The following NTM variants were observed in gnomAD, a reference collection of about 807,000 sequenced individuals.
The protein encoded by NTM is neurotrimin, also known as IgLON family member 2.
A neutral mutation model predicts 42.1 loss-of-function variants in NTM; 13 were observed. The observed-to-expected ratio is 0.31, with a 90% CI of 0.20 to 0.49. The LOEUF (loss-of-function observed/expected upper bound fraction) is 0.49. Ranked by LOEUF, NTM falls within the 20% of genes least tolerant of loss-of-function variation. The pLI, the probability that NTM is intolerant of heterozygous loss-of-function variation, is 0.99. For synonymous variants in NTM, 187 were observed against 179.2 expected, an observed-to-expected ratio of 1.04 and a Z score of -0.35; for missense variants, 373 against 452.8, an observed-to-expected ratio of 0.82 and a Z score of 1.60.
chr11:132,017,132 A>G (rs1277191825), intron 2 of NTM, among the ~76,000 whole-genome samples: 2 of 151,918 alleles, frequency 1.3e-5, no homozygotes, highest in African/African-American at 2.4e-5. Flanking sequence ...TTGAATCACA[A>G]AATTTTAATT....
Position 132,335,284 on chromosome 11 carries a change from T to C in NTM, c.*138T>C. ...AAACACAGCCTCATGGGACAGAAAT[T>C]TGAGGGAGGGGAACAAAGAATACTT... On this transcript the variant is annotated 3_prime_UTR_variant, in exon 9 of 9. Coordinates refer to ENST00000683400, the MANE Select transcript of NTM (RefSeq NM_001352005.2). The C allele has an allele frequency of 1.1e-6, 1 of 898,012 alleles. No homozygotes were observed. Among genetic ancestry groups the C allele is most frequent in the East Asian group, 2.9e-5 (1 of 34,530 alleles). The allele number at this position is 898,012 out of a possible 1,614,324, so 55.6% of individuals were successfully genotyped here.
chr11:131,702,382 TG>T (rs1358978455), intron 1 of NTM, among the ~76,000 whole-genome samples: 1 of 152,270 alleles, frequency 6.6e-6, no homozygotes, highest in African/African-American at 2.4e-5. Context: ...ATCTTTAAAA[TG>T]ATCTCATCAT....
intron 2 of NTM, among the ~76,000 whole-genome samples, chr11:132,088,938 A>G (rs568415093): frequency 1.3e-5 from 2 of 152,302 alleles, no homozygotes; most frequent in East Asian, 1.9e-4. Context: ...TTGGAAACAA[A>G]AAGAAGCCAG....
At chr11:131,472,872 C>T (rs1427162215) in intron 1 of NTM, among the ~76,000 whole-genome samples, 1 of 152,074 alleles carries the variant, frequency 6.6e-6, no homozygotes, top group African/African-American at 2.4e-5. Context: ...CTTCCACTAC[C>T]CCCCAGAGAT....
At position 131,950,548 on chromosome 11, in the gene NTM, C is replaced by T. The variant is rs188577086; in HGVS notation, c.167+38900C>T. On this transcript the variant is annotated intron_variant, in intron 2 of 8. Coordinates refer to ENST00000683400, the MANE Select transcript of NTM (RefSeq NM_001352005.2). The stretch of plus-strand genomic sequence containing the variant: ...TCATCCTTCCTTTGCACGTTTAGGT[C>T]CTACATAAGCTGAAAAAGAACAGAG... Among the ~76,000 whole-genome samples, 242 of 152,276 alleles carry T rather than the reference C, an allele frequency of 1.6e-3. 2 individuals carry two copies. Among genetic ancestry groups the T allele is most frequent in the Middle Eastern group, 3.4e-3 (1 of 294 alleles).
chr11:132,327,527 C>G (rs1156812306), intron 7 of NTM, among the ~76,000 whole-genome samples: 1 of 152,142 alleles, frequency 6.6e-6, no homozygotes, highest in Non-Finnish European at 1.5e-5. Context: ...ACAGAAAGCA[C>G]AAAAGAAAGA....
At chr11:132,056,753 CT>C (rs1444100619) in intron 2 of NTM, among the ~76,000 whole-genome samples, 1 of 152,238 alleles carries the variant, frequency 6.6e-6, no homozygotes, top group Non-Finnish European at 1.5e-5. Flanking sequence ...TAGCCTGCCC[CT>C]ATTTCACTGT....
At chr11:131,980,790 G>C (rs987419382) in intron 2 of NTM, among the ~76,000 whole-genome samples, 2 of 152,166 alleles carry the variant, frequency 1.3e-5, no homozygotes, top group Non-Finnish European at 2.9e-5. Context: ...ACAATCCGGA[G>C]TGACCAATTC....
At chr11:131,874,978 GC>G (rs2048342068) in intron 1 of NTM, among the ~76,000 whole-genome samples, 1 of 152,196 alleles carries the variant, frequency 6.6e-6, no homozygotes, top group Non-Finnish European at 1.5e-5. Flanking sequence ...CCTTCTTGGT[GC>G]CTATTTGTAT....
chr11:131,598,687 CTTTCTTTCTT>C (rs2060039757), intron 1 of NTM, among the ~76,000 whole-genome samples: 1 of 21,218 alleles, frequency 4.7e-5, no homozygotes, highest in South Asian at 2.1e-3. Context: ...CATTTGTTTT[CTTTCTTTCTT>C]TCTTTCTTTC....
At chr11:132,042,039 C>T (rs567153422) in intron 2 of NTM, among the ~76,000 whole-genome samples, 55 of 152,170 alleles carry the variant, frequency 3.6e-4, no homozygotes, top group Non-Finnish European at 7.4e-4. Flanking sequence ...TCCTGAAGGC[C>T]TGGCATTCTA....
chr11:132,040,896 GA>G (rs1188292127), intron 2 of NTM, among the ~76,000 whole-genome samples: 3 of 152,174 alleles, frequency 2.0e-5, no homozygotes, highest in African/African-American at 7.2e-5. Flanking sequence ...CAAGTTGCCT[GA>G]CACTCAATGT....
chr11:131,451,148 A>C (rs922512085), intron 1 of NTM, among the ~76,000 whole-genome samples: 2 of 152,226 alleles, frequency 1.3e-5, no homozygotes, highest in Admixed American at 1.3e-4. Context: ...ATACATGCCA[A>C]GAAAGAAAAA....
intron 2 of NTM, among the ~76,000 whole-genome samples, chr11:131,968,011 G>A (rs1163277440): frequency 6.6e-6 from 1 of 152,130 alleles, no homozygotes; most frequent in East Asian, 1.9e-4. Flanking sequence ...ACCGTATATA[G>A]GAATCGGCTA....
At chr11:131,563,108 A>C (rs1211148661) in intron 1 of NTM, among the ~76,000 whole-genome samples, 2 of 152,192 alleles carry the variant, frequency 1.3e-5, no homozygotes, top group Non-Finnish European at 2.9e-5. Flanking sequence ...ACATCTGGAA[A>C]GCTGAGATAA....
chr11:131,457,199 A>G (rs2136086000), intron 1 of NTM, among the ~76,000 whole-genome samples: 1 of 152,328 alleles, frequency 6.6e-6, no homozygotes, highest in Non-Finnish European at 1.5e-5. Flanking sequence ...AACATATAAC[A>G]TGAAGAAAAA....
intron 1 of NTM, among the ~76,000 whole-genome samples, chr11:131,695,811 A>T (rs2075374441): frequency 6.6e-6 from 1 of 152,150 alleles, no homozygotes; most frequent in South Asian, 2.1e-4. Flanking sequence ...TCATCCCAAT[A>T]TTCCATTGAG....
chr11:131,887,101 G>A (rs988211293), intron 1 of NTM, among the ~76,000 whole-genome samples: 1 of 152,288 alleles, frequency 6.6e-6, no homozygotes, highest in South Asian at 2.1e-4. Flanking sequence ...ACAATGTATT[G>A]TACACTTGAA....
intron 1 of NTM, among the ~76,000 whole-genome samples, chr11:131,496,891 A>G (rs1311765527): frequency 1.3e-5 from 2 of 152,222 alleles, no homozygotes; most frequent in African/African-American, 4.8e-5. Flanking sequence ...TTGAGGCCTC[A>G]GAAGACAGCA....
Sources: allele counts gnomAD v4.1 joint callset (sites outside exome capture counted in the v4.1 genomes callset), GRCh38; gene constraint gnomAD v4.1.1; transcripts MANE v1.5; gene names NCBI Gene and HGNC (gene_info 2026-07-23, HGNC 2026-07-21).